Variants in RNF8 observed in about 807,000 individuals in gnomAD.
The protein encoded by RNF8 is ring finger protein 8, also known as E3 ubiquitin-protein ligase RNF8.
In RNF8, 8 loss-of-function variants were observed where a neutral mutation model predicts 59.3. That is an observed-to-expected ratio of 0.13 (90% CI 0.08 to 0.24). RNF8 has a LOEUF of 0.24. RNF8 is among the 10% of genes least tolerant of loss of function. The pLI is 1.00. For synonymous variants in RNF8, 162 were observed against 200.0 expected (o/e 0.81, Z 1.60); for missense variants, 406 against 572.6 (o/e 0.71, Z 2.97).
intron 7 of RNF8, among the ~76,000 whole-genome samples, chr6:37,386,962 T>C (rs1770531310): frequency 1.3e-5 from 2 of 152,228 alleles, no homozygotes; most frequent in Non-Finnish European, 2.9e-5. Flanking sequence ...TTATCATTTT[T>C]CATACCTACT....
At chr6:37,369,811 T>G (rs1389766251) in intron 3 of RNF8, 3 of 153,456 alleles carry the variant, frequency 2.0e-5, no homozygotes, top group Non-Finnish European at 4.4e-5. Context: ...ATGGGACAGA[T>G]GCACCATGAC....
chr6:37,361,496 A>T (rs914664809), intron 2 of RNF8: 5 of 369,074 alleles, frequency 1.4e-5, no homozygotes, highest in African/African-American at 1.1e-4. Flanking sequence ...CAAAAAGAAA[A>T]GAAGATACCT....
chr6:37,387,827 C>T (rs1043707052), intron 7 of RNF8, among the ~76,000 whole-genome samples: 4 of 152,108 alleles, frequency 2.6e-5, no homozygotes, highest in Non-Finnish European at 4.4e-5. Flanking sequence ...TTCCCTGAGT[C>T]AGTGAAGGAC....
chr6:37,371,229 A>G lies in RNF8; in HGVS notation c.976-283A>G, dbSNP rs879844596. On this transcript the variant is annotated intron_variant, in intron 3 of 7. Transcript: ENST00000373479. ...ACATCCTTTTGGGAATCATGGCGTT[A>G]GTCCATGAAGGAGGCTTGGACTGTT... Among the ~76,000 whole-genome samples the G allele has an allele frequency of 3.3e-5, 5 of 152,316 alleles. No homozygotes were observed. In the Middle Eastern group the frequency reaches 0.01, roughly 311 times the overall value.
At chr6:37,379,633 T>G (rs1237662417) in intron 6 of RNF8, among the ~76,000 whole-genome samples, 2 of 152,240 alleles carry the variant, frequency 1.3e-5, no homozygotes, top group East Asian at 3.8e-4. Flanking sequence ...TCTCTCTTCA[T>G]TGGCACATTA....
intron 2 of RNF8, chr6:37,368,232 A>G (rs910465534): frequency 7.6e-6 from 5 of 654,760 alleles, no homozygotes; most frequent in East Asian, 7.2e-5. Context: ...TTATCCACCA[A>G]TAATAAGGTG....
chr6:37,362,704 G>A (rs1026302718), intron 2 of RNF8, among the ~76,000 whole-genome samples: 1 of 152,180 alleles, frequency 6.6e-6, no homozygotes, highest in African/African-American at 2.4e-5. Context: ...TATTATTGCT[G>A]TGGTTGTGTT....
chr6:37,369,634 G>T (rs1769715988), intron 3 of RNF8, among the ~76,000 whole-genome samples: 1 of 152,234 alleles, frequency 6.6e-6, no homozygotes, highest in Non-Finnish European at 1.5e-5. Flanking sequence ...TGTGGCCAAG[G>T]CCAAATCACT....
chr6:37,381,455 T>G, intron 7 of RNF8, 101 bp downstream of exon 7: 1 of 1,012,686 alleles, frequency 9.9e-7, no homozygotes, highest in Non-Finnish European at 1.5e-6. Context: ...TAAACAATTC[T>G]TGAACTAGGG....
At chr6:37,379,975 G>A (rs997844065) in intron 6 of RNF8, among the ~76,000 whole-genome samples, 1 of 152,040 alleles carries the variant, frequency 6.6e-6, no homozygotes, top group African/African-American at 2.4e-5. Flanking sequence ...GTGCAGTAAC[G>A]CCATCATGGC....
At chr6:37,376,695 C>G (rs1432134144) in intron 5 of RNF8, among the ~76,000 whole-genome samples, 1 of 152,156 alleles carries the variant, frequency 6.6e-6, no homozygotes, top group Non-Finnish European at 1.5e-5. Flanking sequence ...CACAAACATT[C>G]AGACCATAGC....
chr6:37,372,152 T>G (rs1287785785), intron 4 of RNF8, among the ~76,000 whole-genome samples: 2 of 152,060 alleles, frequency 1.3e-5, no homozygotes, highest in Non-Finnish European at 2.9e-5. Context: ...TTTTTTTGTG[T>G]GCTCTTTTGC....
intron 2 of RNF8, among the ~76,000 whole-genome samples, chr6:37,362,952 A>G (rs374111564): frequency 4.6e-5 from 7 of 152,342 alleles, no homozygotes; most frequent in African/African-American, 1.7e-4. Flanking sequence ...GTTTTGGTCA[A>G]TTCATAAGCT....
intron 1 of RNF8, among the ~76,000 whole-genome samples, chr6:37,356,514 T>A (rs959884832): frequency 7.1e-4 from 108 of 152,328 alleles, no homozygotes; most frequent in African/African-American, 2.3e-3. Flanking sequence ...TAGTAAATTG[T>A]CTAATTAAGT....
intron 7 of RNF8, among the ~76,000 whole-genome samples, chr6:37,387,441 A>C (rs1770554397): frequency 6.6e-6 from 1 of 152,132 alleles, no homozygotes; most frequent in Non-Finnish European, 1.5e-5. Context: ...TCCTGGGCTC[A>C]AGCATCCTCC....
At chr6:37,369,592 T>C (rs1769714320) in intron 3 of RNF8, among the ~76,000 whole-genome samples, 1 of 152,218 alleles carries the variant, frequency 6.6e-6, no homozygotes, top group Admixed American at 6.5e-5. Context: ...ATTGAATCAA[T>C]AGTTGTCTTC....
chr6:37,377,756 A>G (rs1247949854), intron 6 of RNF8, among the ~76,000 whole-genome samples: 3 of 152,186 alleles, frequency 2.0e-5, no homozygotes, highest in African/African-American at 4.8e-5. Flanking sequence ...TTATAGTGCA[A>G]CCTTTTAAAC....
At chr6:37,369,353 C>A in intron 3 of RNF8, 135 bp downstream of exon 3, 1 of 1,100,874 alleles carries the variant, frequency 9.1e-7, no homozygotes, top group Non-Finnish European at 1.3e-6. Flanking sequence ...GGAATGGGAA[C>A]AGTAAACTTT....
intron 1 of RNF8, 141 bp downstream of exon 1, chr6:37,354,416 G>T (rs113656680): frequency 3.5e-5 from 24 of 693,848 alleles, no homozygotes; most frequent in African/African-American, 1.3e-4. Flanking sequence ...GTGTCTGTGG[G>T]GGGGGTGGAT....
Sources: gnomAD v4.1 joint callset for allele counts (sites outside exome capture counted in the v4.1 genomes callset) on GRCh38, gnomAD v4.1.1 for gene constraint, MANE v1.5 for transcripts, NCBI Gene and HGNC (gene_info 2026-07-23, HGNC 2026-07-21) for gene names.